SHPRH: variants seen among roughly 807,000 people sequenced by gnomAD.
The protein encoded by SHPRH is SNF2 histone linker PHD RING helicase.
A neutral mutation model predicts 202.5 loss-of-function variants in SHPRH; 106 were observed. That is an observed-to-expected ratio of 0.52 (90% confidence interval 0.45 to 0.62). The LOEUF is 0.62. Ranked by LOEUF, SHPRH falls within the 20% of genes least tolerant of loss-of-function variation. The pLI is 0.00. For missense variants in SHPRH, 1,710 were observed against 2,020.0 expected (o/e 0.85, Z 2.94); for synonymous variants, 729 against 686.0 (o/e 1.06, Z -0.98).
At chr6:145,951,603 T>C (rs1489352347) in intron 3 of SHPRH, among the ~76,000 whole-genome samples, 2 of 152,104 alleles carry the variant, frequency 1.3e-5, no homozygotes, top group Non-Finnish European at 2.9e-5. Flanking sequence ...AATTCATTCC[T>C]TCTAATCCCG....
intron 21 of SHPRH, 131 bp from the exon 22 acceptor site, chr6:145,919,622 G>C: frequency 2.0e-6 from 2 of 1,001,498 alleles, no homozygotes; most frequent in South Asian, 3.8e-5. Context: ...TAACGTACAA[G>C]TAGTTCCTGG....
At chr6:145,942,757 T>C (rs975627028) in intron 9 of SHPRH, among the ~76,000 whole-genome samples, 1 of 152,178 alleles carries the variant, frequency 6.6e-6, no homozygotes, top group African/African-American at 2.4e-5. Flanking sequence ...ACTGAAGCTT[T>C]AGAGGATGAT....
In SHPRH at chr6:145,936,010, A is replaced by G. The variant is rs373710858; in HGVS notation, c.2570-569T>C. ...GAAAAATGACTCAAATAAATAAATT[A>G]TAGTAATCCCACAAAATAGAACTAT... On this transcript the variant is annotated intron_variant, in intron 11 of 29. Coordinates refer to ENST00000275233, the MANE Select transcript of SHPRH (RefSeq NM_001042683.3). Among the ~76,000 whole-genome samples the G allele has an allele frequency of 2.9e-4, 44 of 152,320 alleles. No homozygotes were observed. In the East Asian group the frequency reaches 6.9e-3, roughly 24 times the overall value.
intron 18 of SHPRH, among the ~76,000 whole-genome samples, chr6:145,923,106 T>C (rs1440449075): frequency 6.6e-6 from 1 of 151,900 alleles, no homozygotes; most frequent in Non-Finnish European, 1.5e-5. Context: ...GTCTCAGATA[T>C]CTTTGAAAGT....
In SHPRH at chr6:145,901,656, A is replaced by C. The variant is rs191015518; in HGVS notation, c.4516-6679T>G. 5.2e-3 allele frequency among the ~76,000 whole-genome samples: 795 copies of C among 152,262 alleles called. 4 individuals carry two copies. The highest frequency in any genetic ancestry group is 0.018 in the African/African-American group (760 of 41,570). ...AAGTTAAGCTGGAATGTTATGCATT[A>C]GGGAAGACTGTACATGGGAACAGAA... On this transcript the variant is annotated intron_variant, in intron 25 of 29. Coordinates refer to ENST00000275233, the MANE Select transcript of SHPRH (RefSeq NM_001042683.3).
chr6:145,943,927 G>A (rs1787081458), intron 8 of SHPRH, 125 bp from the exon 9 acceptor site: 7 of 909,066 alleles, frequency 7.7e-6, no homozygotes, highest in Non-Finnish European at 1.1e-5. Context: ...TTTCCCTGAG[G>A]AGAATCACTC....
intron 25 of SHPRH, among the ~76,000 whole-genome samples, chr6:145,899,173 C>A (rs1332153650): frequency 6.6e-6 from 1 of 152,002 alleles, no homozygotes; most frequent in East Asian, 1.9e-4. Flanking sequence ...CAACATAAAA[C>A]AGACAAAGAA....
chr6:145,877,950 CCTCT>C (rs879274508), intron 2 of SHPRH: 5 of 152,186 alleles, frequency 3.3e-5, no homozygotes, highest in Admixed American at 1.3e-4. Context: ...ATGTTTTATG[CCTCT>C]CTAAAATATA....
intron 22 of SHPRH, chr6:145,918,433 A>T: frequency 5.8e-6 from 2 of 343,046 alleles, no homozygotes; most frequent in Non-Finnish European, 1.0e-5. Flanking sequence ...TGAAAGGCAC[A>T]ATTCAATGCA....
Position 145,963,827 on chromosome 6 carries a change from G to A in SHPRH, c.-129C>T, listed in dbSNP as rs2128817799. The A allele has an allele frequency of 6.6e-6, 1 of 152,376 alleles. No individual in the cohort carries two copies. The highest frequency in any genetic ancestry group is 1.9e-4 in the East Asian group (1 of 5,168). The allele number at this position is 152,376 out of a possible 1,614,324, so 9.4% of individuals were successfully genotyped here. ...CAGCAGGCCGAGCAAACAAGCGACCGCGAGGCCAAGGAGCGTGACGACGGA... is the reference window on the plus strand; with the variant it reads ...CAGCAGGCCGAGCAAACAAGCGACCACGAGGCCAAGGAGCGTGACGACGGA... On this transcript the variant is annotated 5_prime_UTR_variant, in exon 1 of 30. Coordinates refer to ENST00000275233, the MANE Select transcript of SHPRH (RefSeq NM_001042683.3).
At chr6:145,879,544 G>A (rs1258181867) in intron 2 of SHPRH, among the ~76,000 whole-genome samples, 1 of 151,962 alleles carries the variant, frequency 6.6e-6, no homozygotes, top group African/African-American at 2.4e-5. Context: ...AGTTTATTCT[G>A]CATTCTAAAA....
At chr6:145,928,479 C>T (rs953043489) in intron 14 of SHPRH, among the ~76,000 whole-genome samples, 3 of 151,816 alleles carry the variant, frequency 2.0e-5, no homozygotes, top group African/African-American at 7.2e-5. Flanking sequence ...AAAAAAACTT[C>T]AAGCTGGTTT....
chr6:145,879,924 A>AG (rs1780482691), downstream of SHPRH, among the ~76,000 whole-genome samples: 1 of 151,128 alleles, frequency 6.6e-6, no homozygotes, highest in South Asian at 2.1e-4. Flanking sequence ...AAAAAAAAAA[A>AG]AAAAAAAAGG....
At position 145,948,944 on chromosome 6, in the gene SHPRH, GCATGTCTCTACCCAC is replaced by G. The variant is rs1263086958; in HGVS notation, c.983-609_983-595del. 9.2e-5 allele frequency among the ~76,000 whole-genome samples: 14 copies of G among 152,058 alleles called. No individual in the cohort carries two copies. In the South Asian group the frequency reaches 2.9e-3, roughly 32 times the overall value. ...ATTTAAACCAACTGCCAAATAAGTA[GCATGTCTCTACCCAC>G]CAATGAAACAGCAAGTAATTTTTAA... On this transcript the variant is annotated intron_variant, in intron 4 of 29. Coordinates refer to ENST00000275233, the MANE Select transcript of SHPRH (RefSeq NM_001042683.3).
chr6:145,939,521 C>T (rs1786505630), intron 11 of SHPRH, among the ~76,000 whole-genome samples: 3 of 152,264 alleles, frequency 2.0e-5, no homozygotes, highest in South Asian at 4.1e-4. Context: ...AATTATTGCT[C>T]ATACTCTCTC....
Position 145,933,149 on chromosome 6 carries a change from G to A in SHPRH, c.3020C>T (p.Ser1007Phe). ...STMTMEELLT[S>F]LQKKCGTECE... ...TTCAGTTCCACATTTCTTCTGCAAAGATGTCAGCAGCTCTTCCATTGTCAT... is the reference window on the plus strand; with the variant it reads ...TTCAGTTCCACATTTCTTCTGCAAAAATGTCAGCAGCTCTTCCATTGTCAT... The change falls in exon 14 of 30, where the codon TCT becomes TTT. Residue 1007 changes from serine (S) to phenylalanine (F), a missense_variant. Physicochemically the swap from Ser to Phe is radical, Grantham distance 155. This residue lies in a region of SHPRH where 23 missense variants were observed against 36.7 expected (regional missense o/e 0.63). Transcript: ENST00000275233. The A allele has an allele frequency of 7.4e-6, 12 of 1,613,932 alleles. No individual in the cohort carries two copies. The highest frequency in any genetic ancestry group is 1.0e-5 in the Non-Finnish European group (12 of 1,179,926).
chr6:145,942,506 A>G (rs1330952557), intron 9 of SHPRH, among the ~76,000 whole-genome samples: 1 of 152,224 alleles, frequency 6.6e-6, no homozygotes, highest in Non-Finnish European at 1.5e-5. Flanking sequence ...CTCCATGCCT[A>G]TGTAAAGTGG....
chr6:145,919,169 T>A, intron 22 of SHPRH, 179 bp downstream of exon 22: 5 of 725,948 alleles, frequency 6.9e-6, no homozygotes, highest in Non-Finnish European at 1.1e-5. Flanking sequence ...GATATGAAAT[T>A]GCTCATCTTT....
At chr6:145,947,788 C>A in intron 5 of SHPRH, 145 bp from the exon 6 acceptor site, 9 of 1,096,382 alleles carry the variant, frequency 8.2e-6, no homozygotes, top group Non-Finnish European at 1.1e-5. Context: ...ACAATTCAAA[C>A]CTTAGATTAC....
Sources: allele counts gnomAD v4.1 joint callset (sites outside exome capture counted in the v4.1 genomes callset), GRCh38; gene constraint gnomAD v4.1.1; regional missense constraint gnomAD v4.1.1; transcripts MANE v1.5; gene names NCBI Gene and HGNC (gene_info 2026-07-23, HGNC 2026-07-21).